PRDM1: variants seen among roughly 807,000 people sequenced by gnomAD.
The protein encoded by PRDM1 is PR domain zinc finger protein 1.
PRDM1 carries 13 observed loss-of-function variants against 62.8 expected under a neutral mutation model. The observed-to-expected ratio is 0.21, with a 90% CI of 0.13 to 0.33. The LOEUF is 0.33. Ranked by LOEUF, PRDM1 falls within the 10% of genes least tolerant of loss-of-function variation. The pLI is 1.00. For missense variants in PRDM1, 895 were observed against 1,058.8 expected (o/e 0.85, Z 2.15); for synonymous variants, 396 against 417.6 (o/e 0.95, Z 0.63).
At chr6:106,010,536 T>C (rs894677996) in intron 1 of PRDM1, among the ~76,000 whole-genome samples, 1 of 152,204 alleles carries the variant, frequency 6.6e-6, no homozygotes, top group South Asian at 2.1e-4. Context: ...CCATGCACCT[T>C]ATCAAATCAA....
intron 1 of PRDM1, among the ~76,000 whole-genome samples, chr6:105,999,183 T>G (rs1772398459): frequency 6.6e-6 from 1 of 151,594 alleles, no homozygotes; most frequent in African/African-American, 2.4e-5. Context: ...AAGTGATCCT[T>G]TTGTCTTGGC....
intron 3 of PRDM1, among the ~76,000 whole-genome samples, chr6:106,097,479 A>G (rs1035115483): frequency 4.6e-5 from 7 of 152,232 alleles, no homozygotes; most frequent in African/African-American, 1.7e-4. Context: ...GAATATGAAC[A>G]TCTGTTGTGA....
upstream of PRDM1, chr6:106,086,183 A>C (rs546745197): frequency 6.5e-6 from 2 of 306,682 alleles, no homozygotes; most frequent in African/African-American, 4.3e-5. Context: ...TGAAATACAC[A>C]TGCGAAGAGA....
intron 1 of PRDM1, among the ~76,000 whole-genome samples, chr6:106,006,445 A>G (rs2114546384): frequency 1.3e-5 from 2 of 152,204 alleles, no homozygotes; most frequent in Middle Eastern, 6.8e-3. Flanking sequence ...CGTGGGGTGA[A>G]CCTAAACTCT....
chr6:106,069,857 G>A (rs1310139496), intron 1 of PRDM1, among the ~76,000 whole-genome samples: 3 of 152,188 alleles, frequency 2.0e-5, no homozygotes, highest in Admixed American at 2.0e-4. Flanking sequence ...CCAACACCCT[G>A]TGTGTGCATT....
At chr6:106,002,098 A>G (rs1454363184) in intron 1 of PRDM1, among the ~76,000 whole-genome samples, 2 of 152,070 alleles carry the variant, frequency 1.3e-5, no homozygotes, top group African/African-American at 4.8e-5. Context: ...ACTAAGCTGA[A>G]GTGTTGGGTT....
intron 1 of PRDM1, among the ~76,000 whole-genome samples, chr6:106,006,779 C>G (rs1003309501): frequency 6.6e-6 from 1 of 151,852 alleles, no homozygotes; most frequent in Admixed American, 6.6e-5. Context: ...GAATATTGAA[C>G]TGGAAGGCAG....
chr6:105,996,079 A>G lies in PRDM1; in HGVS notation c.-67+2440A>G, dbSNP rs577976311. Among the ~76,000 whole-genome samples, 37 of 152,344 alleles carry G rather than the reference A, an allele frequency of 2.4e-4. 2 individuals carry two copies. In the South Asian group the frequency reaches 7.7e-3, roughly 32 times the overall value. The stretch of plus-strand genomic sequence containing the variant: ...ACTTTAAAAATATTTCCTGATTTTT[A>G]AAAGTCAGCCAGATGAGGTGAAATC... On this transcript the variant is annotated intron_variant, in intron 1 of 6. Transcript: ENST00000652320.
At chr6:106,049,550 C>T (rs1773136767) in intron 1 of PRDM1, among the ~76,000 whole-genome samples, 1 of 152,162 alleles carries the variant, frequency 6.6e-6, no homozygotes, top group Admixed American at 6.5e-5. Flanking sequence ...GGATGCCATC[C>T]AAGGCTCAGC....
chr6:106,045,622 T>G (rs1773062140), upstream of PRDM1: 1 of 152,228 alleles, frequency 6.6e-6, no homozygotes, highest in Non-Finnish European at 1.5e-5. Flanking sequence ...AAAACCTTGT[T>G]GACACTCAAG....
intron 1 of PRDM1, among the ~76,000 whole-genome samples, chr6:106,048,853 G>A (rs1449012001): frequency 1.3e-5 from 2 of 151,518 alleles, no homozygotes; most frequent in African/African-American, 2.4e-5. Context: ...TTCTGAGACA[G>A]AGTCTTGCTC....
At chr6:106,023,079 T>C (rs1415245623) in intron 1 of PRDM1, among the ~76,000 whole-genome samples, 3 of 152,186 alleles carry the variant, frequency 2.0e-5, no homozygotes, top group Non-Finnish European at 4.4e-5. Flanking sequence ...ATTTCCTTCA[T>C]CTTTTCCAGT....
rs1774503106 is a variant in PRDM1, at chr6:106,106,769, C to T, written c.1903-142C>T. 9.8e-7 allele frequency: 1 copy of T among 1,023,010 alleles called. No homozygotes were observed. Among genetic ancestry groups the T allele is most frequent in the Non-Finnish European group, 1.4e-6 (1 of 704,706 alleles). 63.4% of individuals were successfully genotyped at this position (1,023,010 alleles called of 1,614,324 possible). ...CCACATCCCCCCGTTTGCTTAATAC[C>T]ACACTGGAGGTGCCACAAGGAGGCT... On this transcript the variant is annotated intron_variant, in intron 6 of 6. Coordinates refer to ENST00000369096, the MANE Select transcript of PRDM1 (RefSeq NM_001198.4). This position sits in a 1 kb window ranked among gnomAD's most constrained non-coding sequence, Gnocchi z 4.4.
At chr6:105,993,907 A>C (rs1339534216) in intron 1 of PRDM1, among the ~76,000 whole-genome samples, 1 of 152,244 alleles carries the variant, frequency 6.6e-6, no homozygotes, top group African/African-American at 2.4e-5. Context: ...TGTTTGGAGA[A>C]TAGAATTTCG....
chr6:106,060,385 A>T (rs1301471922), intron 1 of PRDM1, among the ~76,000 whole-genome samples: 1 of 152,220 alleles, frequency 6.6e-6, no homozygotes, highest in South Asian at 2.1e-4. Flanking sequence ...ACTGGTGAGC[A>T]GTGTGAAAGG....
At chr6:106,052,719 T>A (rs4946720) in intron 1 of PRDM1, among the ~76,000 whole-genome samples, 135,289 of 152,002 alleles carry the variant, frequency 0.89, 60,272 homozygotes, top group South Asian at 0.94. Flanking sequence ...ACACCTGTAA[T>A]CCCAGCACTT....
At chr6:106,050,402 T>C (rs1773154201) in intron 1 of PRDM1, among the ~76,000 whole-genome samples, 1 of 152,250 alleles carries the variant, frequency 6.6e-6, no homozygotes, top group East Asian at 1.9e-4. Flanking sequence ...AGAAGAGCTT[T>C]ACTAAAATTA....
intron 3 of PRDM1, 128 bp from the exon 4 acceptor site, chr6:106,099,172 G>T (rs566298038): frequency 1.2e-6 from 2 of 1,603,818 alleles, no homozygotes; most frequent in African/African-American, 1.3e-5. Context: ...AAACTGATTG[G>T]ATTCTTTTTC....
Position 106,107,247 on chromosome 6 carries a change from G to T in PRDM1, c.2239G>T (p.Asp747Tyr). The change falls in exon 7 of 7, where the codon GAT (aspartate) becomes TAT (tyrosine). Residue 747 changes from aspartate (D) to tyrosine (Y), a missense_variant. Physicochemically the swap from Asp to Tyr is radical, Grantham distance 160. Transcript: ENST00000369096. Reference sequence around the variant, plus strand: ...TGCTGACCGGCTCGAGGACGTGGAGGATGACATCAGTGTGATCTCTGTAGT... The same window carrying T: ...TGCTGACCGGCTCGAGGACGTGGAGTATGACATCAGTGTGATCTCTGTAGT... ...DNADRLEDVE[D>Y]DISVISVVEK... The T allele has an allele frequency of 1.2e-6, 2 of 1,614,224 alleles. No individual in the cohort carries two copies. The highest frequency in any genetic ancestry group is 1.7e-6 in the Non-Finnish European group (2 of 1,180,032).
Sources: gnomAD v4.1 joint callset for allele counts (sites outside exome capture counted in the v4.1 genomes callset) on GRCh38, gnomAD v4.1.1 for gene constraint, Gnocchi (gnomAD v3.1) non-coding constraint, MANE v1.5 for transcripts, NCBI Gene and HGNC (gene_info 2026-07-23, HGNC 2026-07-21) for gene names.